Variants in LMBR1 observed in about 807,000 individuals in gnomAD.
LMBR1 encodes limb development membrane protein 1, also known as limb region 1 protein homolog.
A neutral mutation model predicts 73.9 loss-of-function variants in LMBR1; 52 were observed. That is an observed-to-expected ratio of 0.70 (90% CI 0.56 to 0.89). The LOEUF is 0.89. Ranked by LOEUF, LMBR1 falls within the 40% of genes least tolerant of loss-of-function variation. The pLI is 0.00. For missense variants in LMBR1, 539 were observed against 579.8 expected (o/e 0.93, Z 0.72); for synonymous variants, 215 against 209.4 (o/e 1.03, Z -0.23).
rs1263808439 is a variant in LMBR1, at chr7:156,735,503, C to A, written c.758-1246G>T. Among the ~76,000 whole-genome samples, 16 of 150,450 alleles carry A rather than the reference C, an allele frequency of 1.1e-4. No homozygotes were observed. In the East Asian group the frequency reaches 2.3e-3, roughly 22 times the overall value. ...ATTCTGAAACAGAGAAATTAAAATA[C>A]CCACTACAACTGTACTTTAAGTTCT... On this transcript the variant is annotated intron_variant, in intron 9 of 16. Coordinates refer to ENST00000353442, the MANE Select transcript of LMBR1 (RefSeq NM_022458.4).
At chr7:156,877,447 A>G (rs1800343272) in intron 1 of LMBR1, among the ~76,000 whole-genome samples, 1 of 152,206 alleles carries the variant, frequency 6.6e-6, no homozygotes, top group Non-Finnish European at 1.5e-5. Flanking sequence ...ATGACCAATA[A>G]AACAAACTAC....
intron 1 of LMBR1, among the ~76,000 whole-genome samples, chr7:156,838,567 A>G (rs77107282): frequency 0.028 from 4,253 of 152,306 alleles, 203 homozygotes; most frequent in African/African-American, 0.097. Context: ...TTTACAGCTG[A>G]ATAGTATTCC....
chr7:156,865,562 C>G lies in LMBR1; in HGVS notation c.66+27366G>C, dbSNP rs117496178. 1.1e-4 allele frequency among the ~76,000 whole-genome samples: 17 copies of G among 152,224 alleles called. No homozygotes were observed. The East Asian group carries it at 3.3e-3, about 29-fold the overall frequency. ...CAAAATTCCAGTTCCTACTTTCTTA[C>G]AGAAATTGACAGGCTTATCCTAAAT... On this transcript the variant is annotated intron_variant, in intron 1 of 16. Coordinates refer to ENST00000353442, the MANE Select transcript of LMBR1 (RefSeq NM_022458.4).
chr7:156,717,491 G>C (rs1231797318), intron 15 of LMBR1, among the ~76,000 whole-genome samples: 3 of 152,142 alleles, frequency 2.0e-5, no homozygotes, highest in Admixed American at 2.0e-4. Context: ...AATGGCCAGA[G>C]AAGCAGAGGG....
chr7:156,879,841 C>CA (rs1344575872), intron 1 of LMBR1, among the ~76,000 whole-genome samples: 1 of 151,944 alleles, frequency 6.6e-6, no homozygotes, highest in African/African-American at 2.4e-5. Context: ...TAATCACAAA[C>CA]AAAAAATAAT....
chr7:156,676,446 T>C (rs772880486), downstream of LMBR1: 1 of 1,614,070 alleles, frequency 6.2e-7, no homozygotes. Flanking sequence ...CCACGAGTGC[T>C]CCATCTGCCT....
At chr7:156,864,664 C>G (rs1254463491) in intron 1 of LMBR1, among the ~76,000 whole-genome samples, 4 of 152,172 alleles carry the variant, frequency 2.6e-5, no homozygotes, top group Non-Finnish European at 5.9e-5. Context: ...TCTTAATTTT[C>G]TAAACCTAGC....
At chr7:156,701,618 A>C (rs1228808718) in intron 15 of LMBR1, among the ~76,000 whole-genome samples, 1 of 152,224 alleles carries the variant, frequency 6.6e-6, no homozygotes, top group African/African-American at 2.4e-5. Context: ...AGGAATGTAA[A>C]ATGGTACAAC....
intron 1 of LMBR1, among the ~76,000 whole-genome samples, chr7:156,844,616 A>G (rs1241173862): frequency 1.0e-4 from 6 of 57,146 alleles, no homozygotes; most frequent in Admixed American, 2.2e-4. Context: ...CACCTGAATG[A>G]AAAAAAAAAA....
chr7:156,862,495 AG>A (rs142772810), intron 1 of LMBR1, among the ~76,000 whole-genome samples: 11,536 of 146,982 alleles, frequency 0.078, 485 homozygotes, highest in East Asian at 0.15. Flanking sequence ...AAAATAACAT[AG>A]AAAAAAAAAA....
intron 8 of LMBR1, among the ~76,000 whole-genome samples, chr7:156,761,906 G>C (rs1051911641): frequency 6.7e-6 from 1 of 149,956 alleles, no homozygotes; most frequent in Non-Finnish European, 1.5e-5. Context: ...GAACCCAGGG[G>C]GCGGAGCCTG....
chr7:156,886,192 G>C (rs147926160), intron 1 of LMBR1, among the ~76,000 whole-genome samples: 83 of 152,292 alleles, frequency 5.5e-4, no homozygotes, highest in African/African-American at 1.9e-3. Flanking sequence ...TTTGTAAAGA[G>C]TCACAGCCTA....
intron 15 of LMBR1, among the ~76,000 whole-genome samples, chr7:156,702,003 C>T (rs1426878494): frequency 1.3e-5 from 2 of 152,208 alleles, no homozygotes; most frequent in East Asian, 1.9e-4. Flanking sequence ...GTATATGTAC[C>T]ACATTTTCTT....
At chr7:156,759,425 CATAGATCTCTG>C (rs1207355312) in intron 8 of LMBR1, among the ~76,000 whole-genome samples, 1 of 152,180 alleles carries the variant, frequency 6.6e-6, no homozygotes. Flanking sequence ...TCTGCCCCCT[CATAGATCTCTG>C]ATCTTGTACA....
At chr7:156,768,574 A>C (rs943388647) in intron 5 of LMBR1, among the ~76,000 whole-genome samples, 8 of 152,134 alleles carry the variant, frequency 5.3e-5, no homozygotes, top group African/African-American at 1.9e-4. Flanking sequence ...CGACATTAGG[A>C]GGGCTCAGGG....
intron 16 of LMBR1, among the ~76,000 whole-genome samples, chr7:156,687,520 G>A (rs1806234209): frequency 6.6e-6 from 1 of 152,140 alleles, no homozygotes; most frequent in Non-Finnish European, 1.5e-5. Context: ...ACACATAACA[G>A]TAAATCCCCT....
At chr7:156,860,657 C>T (rs1437882977) in intron 1 of LMBR1, among the ~76,000 whole-genome samples, 2 of 152,206 alleles carry the variant, frequency 1.3e-5, no homozygotes, top group African/African-American at 4.8e-5. Flanking sequence ...TGCCTATGAG[C>T]CTGTAAAATC....
Position 156,762,146 on chromosome 7 carries a change from T to C in LMBR1, c.672A>G (p.Leu224=). 1 of 1,601,980 alleles carries C rather than the reference T, an allele frequency of 6.2e-7. No individual in the cohort carries two copies. The highest frequency in any genetic ancestry group is 8.6e-7 in the Non-Finnish European group (1 of 1,169,114). The change falls in exon 8 of 17, where the codon CTA becomes CTG. Residue 224 remains leucine, a synonymous_variant. Transcript: ENST00000353442. ...SRMFTVMGQL[L]VKPTILEDLD... is the part of the protein sequence containing the mutation. The stretch of plus-strand genomic sequence containing the variant: ...ATTAAATACTTACTGTTGGCTTCAC[T>C]AGCAACTGACCCATCACTGTGAACA...
intron 9 of LMBR1, among the ~76,000 whole-genome samples, chr7:156,745,925 G>A (rs924559715): frequency 1.1e-4 from 17 of 152,180 alleles, no homozygotes; most frequent in Non-Finnish European, 2.5e-4. Flanking sequence ...TTTATGAGAG[G>A]AGGGATAAAG....
Sources: gnomAD v4.1 joint callset for allele counts (sites outside exome capture counted in the v4.1 genomes callset) on GRCh38, gnomAD v4.1.1 for gene constraint, MANE v1.5 for transcripts, NCBI Gene and HGNC (gene_info 2026-07-23, HGNC 2026-07-21) for gene names.